Variants in ZG16B observed in about 807,000 individuals in gnomAD.
The protein encoded by ZG16B is zymogen granule protein 16B, also known as pancreatic adenocarcinoma up-regulated factor.
In ZG16B, 8 loss-of-function variants were observed where a neutral mutation model predicts 7.0. That is an observed-to-expected ratio of 1.15 (90% CI 0.68 to 2.08). The LOEUF (loss-of-function observed/expected upper bound fraction) is 2.08. ZG16B is among the 30% of genes most tolerant of loss of function. ZG16B has a pLI of 0.00. For synonymous variants in ZG16B, 92 were observed against 86.1 expected, an observed-to-expected ratio of 1.07 and a Z score of -0.38; for missense variants, 232 against 211.0, an observed-to-expected ratio of 1.10 and a Z score of -0.62.
rs112383541 is a variant in ZG16B, at chr16:2,831,500, G to A, written c.156-296G>A. 8.6e-3 allele frequency among the ~76,000 whole-genome samples: 1,305 copies of A among 152,274 alleles called. 15 individuals are homozygous for A. The highest frequency in any genetic ancestry group is 0.03 in the African/African-American group (1,244 of 41,544). On this transcript the variant is annotated intron_variant, in intron 3 of 3. Coordinates refer to ENST00000382280, the MANE Select transcript of ZG16B (RefSeq NM_145252.3). ...CGGCAGCTGGTGCCTTCTGGGTCAC[G>A]GAGACCTGGCGCTGCACGCAGCTCT...
In ZG16B at chr16:2,832,041, A is replaced by G; in HGVS notation, c.401A>G (p.Gln134Arg). ...EGQVLVGIYG[Q>R]YQLLGIKSIG... ...CAGGTGCTGGTGGGCATCTATGGCC[A>G]GTATCAACTCCTTGGCATCAAGAGC... The change falls in exon 4 of 4, where the codon CAG (glutamine) becomes CGG (arginine). Residue 134 changes from glutamine to arginine, a missense_variant. Coordinates refer to ENST00000382280, the MANE Select transcript of ZG16B (RefSeq NM_145252.3). 1 of 1,614,188 alleles carries G rather than the reference A, an allele frequency of 6.2e-7. No individual in the cohort carries two copies. Among genetic ancestry groups the G allele is most frequent in the Non-Finnish European group, 8.5e-7 (1 of 1,180,036 alleles).
Position 2,831,800 on chromosome 16 carries a change from C to G in ZG16B, c.160C>G (p.Gln54Glu), listed in dbSNP as rs547452926. 6.5e-5 allele frequency: 104 copies of G among 1,610,700 alleles called. No homozygotes were observed. The highest frequency in any genetic ancestry group is 3.5e-4 in the Middle Eastern group (2 of 5,790). ...AAAGCTTTGCCTCTCTCCCAGTGTC[C>G]AGGTGAAACTTGGAGACTCCTGGGA... Reference protein sequence around the residue: ...SVGLLLVKSVQVKLGDSWDVK... With the variant: ...SVGLLLVKSVEVKLGDSWDVK... Residue 54 changes from glutamine to glutamate, a missense_variant, in exon 4 of 4, where the codon CAG becomes GAG. Coordinates refer to ENST00000382280, the MANE Select transcript of ZG16B (RefSeq NM_145252.3).
intron 3 of ZG16B, 85 bp from the exon 4 acceptor site, chr16:2,831,711 C>T (rs1296222908): frequency 7.2e-6 from 11 of 1,527,890 alleles, no homozygotes; most frequent in Middle Eastern, 2.5e-4. Context: ...CTCTGCATCC[C>T]GGGAAGGAGG....
At chr16:2,830,834 C>G in intron 3 of ZG16B, 38 bp downstream of exon 3, 1 of 1,604,496 alleles carries the variant, frequency 6.2e-7, no homozygotes. Flanking sequence ...GCGCCATGTC[C>G]CCTCCCATCC....
Position 2,832,108 on chromosome 16 carries a change from T to C in ZG16B, c.468T>C (p.Thr156=). 1 of 1,614,068 alleles carries C rather than the reference T, an allele frequency of 6.2e-7. No individual in the cohort carries two copies. Among genetic ancestry groups the C allele is most frequent in the Admixed American group, 1.7e-5 (1 of 60,012 alleles). ...EWNYPLEEPT[T]EPPVNLTYSA... ...ATTATCCACTAGAGGAGCCGACCAC[T>C]GAGCCACCAGTTAATCTCACATACT... The change falls in exon 4 of 4, where the codon ACT becomes ACC. Residue 156 remains threonine, a synonymous_variant. Coordinates refer to ENST00000382280, the MANE Select transcript of ZG16B (RefSeq NM_145252.3).
intron 2 of ZG16B, 23 bp downstream of exon 2, chr16:2,830,516 C>G: frequency 6.3e-7 from 1 of 1,593,588 alleles, no homozygotes; most frequent in Non-Finnish European, 8.5e-7. Flanking sequence ...GGTCTGCCCT[C>G]AATCTCCCCT....
At chr16:2,831,442 G>C (rs571569901) in intron 3 of ZG16B, among the ~76,000 whole-genome samples, 2 of 152,172 alleles carry the variant, frequency 1.3e-5, no homozygotes, top group Non-Finnish European at 2.9e-5. Flanking sequence ...GTCCAGGCTC[G>C]GCCAGAGGCA....
chr16:2,830,959 G>C (rs1860061), intron 3 of ZG16B, 163 bp downstream of exon 3: 463,089 of 692,636 alleles, frequency 0.67, 156,158 homozygotes, highest in Middle Eastern at 0.73. Flanking sequence ...CTGGAGCGGA[G>C]ACGGTCAGAC....
chr16:2,831,716 A>C, intron 3 of ZG16B, 80 bp from the exon 4 acceptor site: 1 of 1,529,036 alleles, frequency 6.5e-7, no homozygotes, highest in Non-Finnish European at 8.8e-7. Context: ...CATCCCGGGA[A>C]GGAGGATGGG....
rs755690401 is a variant in ZG16B, at chr16:2,830,492, G to A, written c.51G>A (p.Gly17=). 1.9e-6 allele frequency: 3 copies of A among 1,596,988 alleles called. No homozygotes were observed. The highest frequency in any genetic ancestry group is 1.1e-5 in the South Asian group (1 of 89,350). The part of the protein sequence containing the change: ...LALLGGPTWA[G]KMYGPGGGKY... ...TCCTGGGGGGCCCCACCTGGGCAGG[G>A]AGTAAGTCAGTGGGGTCTGCCCTCA... is the stretch of plus-strand genomic sequence containing the variant. The change falls in exon 2 of 4, where the codon GGG becomes GGA. Residue 17 remains glycine (G), a splice_region_variant and synonymous_variant. Coordinates refer to ENST00000382280, the MANE Select transcript of ZG16B (RefSeq NM_145252.3).
chr16:2,831,689 T>A (rs1032853829), intron 3 of ZG16B, 107 bp from the exon 4 acceptor site: 2 of 1,477,104 alleles, frequency 1.4e-6, no homozygotes, highest in Admixed American at 2.2e-5. Context: ...CAAAGTCTGA[T>A]GGTGCTGGAC....
Position 2,832,104 on chromosome 16 carries a change from C to T in ZG16B, c.464C>T (p.Thr155Ile). Residue 155 changes from threonine to isoleucine, a missense_variant, in exon 4 of 4, where the codon ACC becomes ATC. Transcript: ENST00000382280. The stretch of plus-strand genomic sequence containing the variant: ...TGGAATTATCCACTAGAGGAGCCGA[C>T]CACTGAGCCACCAGTTAATCTCACA... ...FEWNYPLEEP[T>I]TEPPVNLTYS... The T allele has an allele frequency of 6.2e-7, 1 of 1,614,114 alleles. No homozygotes were observed. Among genetic ancestry groups the T allele is most frequent in the South Asian group, 1.1e-5 (1 of 91,078 alleles).
chr16:2,830,656 T>C (rs1032514548), intron 2 of ZG16B, 38 bp from the exon 3 acceptor site: 2 of 1,612,710 alleles, frequency 1.2e-6, no homozygotes, highest in Middle Eastern at 1.7e-4. Flanking sequence ...TATCACCGCA[T>C]GGGGATTTTC....
Position 2,832,016 on chromosome 16 carries a change from C to T in ZG16B, c.376C>T (p.Gln126Ter). The change falls in exon 4 of 4, where the codon CAG (glutamine) becomes TAG (stop). Residue 126 changes from glutamine (Q) to a stop codon, truncating the protein, a stop_gained. Coordinates refer to ENST00000382280, the MANE Select transcript of ZG16B (RefSeq NM_145252.3). LOFTEE classifies it low-confidence loss of function (END_TRUNC). The stretch of plus-strand genomic sequence containing the variant: ...CTCTGCCTACCCCAGCCAAGAGGGG[C>T]AGGTGCTGGTGGGCATCTATGGCCA... ...ISSAYPSQEG[Q>*]VLVGIYGQYQ... 6.2e-7 allele frequency: 1 copy of T among 1,614,174 alleles called. No homozygotes were observed. Among genetic ancestry groups the T allele is most frequent in the South Asian group, 1.1e-5 (1 of 91,082 alleles).
intron 3 of ZG16B, 73 bp downstream of exon 3, chr16:2,830,869 G>C (rs2240614): frequency 0.69 from 1,061,950 of 1,549,540 alleles, 365,139 homozygotes; most frequent in Middle Eastern, 0.72. Context: ...CTCAGGGCAG[G>C]GGGTAAGCAC....
In ZG16B at chr16:2,830,673, TTGGG is replaced by T; in HGVS notation, c.53-19_53-16del. 1 of 1,613,852 alleles carries T rather than the reference TTGGG, an allele frequency of 6.2e-7. No individual in the cohort carries two copies. Among genetic ancestry groups the T allele is most frequent in the Non-Finnish European group, 8.5e-7 (1 of 1,179,742 alleles). ...TCACCGCATGGGGATTTTCTTCCCT[TTGGG>T]TCTCTCTTTTCTTCAGAGATGTATG... On this transcript the variant is annotated splice_polypyrimidine_tract_variant and intron_variant, in intron 2 of 3. Coordinates refer to ENST00000382280, the MANE Select transcript of ZG16B (RefSeq NM_145252.3).
rs1167173538 is a variant in ZG16B at position 2,832,190 on chromosome 16, C to T, written c.*31C>T. On this transcript the variant is annotated 3_prime_UTR_variant, in exon 4 of 4. Transcript: ENST00000382280. ...GGTATGGGGCCATCCGAGCTGAGGC[C>T]ATCTGGGTGGTGGTGGCTGATGGTA... 1.3e-6 allele frequency: 2 copies of T among 1,596,564 alleles called. No homozygotes were observed. The highest frequency in any genetic ancestry group is 8.6e-7 in the Non-Finnish European group (1 of 1,168,724).
intron 3 of ZG16B, 141 bp downstream of exon 3, chr16:2,830,937 G>A: frequency 1.2e-6 from 1 of 806,054 alleles, no homozygotes; most frequent in East Asian, 2.6e-5. Context: ...GGCTCCCGCT[G>A]ATGCTTCCTG....
chr16:2,831,660 T>G (rs1596319874), intron 3 of ZG16B, 136 bp from the exon 4 acceptor site: 17 of 1,308,454 alleles, frequency 1.3e-5, no homozygotes, highest in East Asian at 2.3e-5. Flanking sequence ...TGGTGACCAG[T>G]GAGTCTGTGT....
Sources: gnomAD v4.1 joint callset for allele counts (sites outside exome capture counted in the v4.1 genomes callset) on GRCh38, gnomAD v4.1.1 for gene constraint, MANE v1.5 for transcripts, NCBI Gene and HGNC (gene_info 2026-07-23, HGNC 2026-07-21) for gene names.